Variants in CD33 observed in about 807,000 individuals in gnomAD.
CD33 encodes CD33 molecule.
Under a neutral mutation model 31.4 loss-of-function variants are expected in CD33, and 25 were observed. That is an observed-to-expected ratio of 0.80 (90% confidence interval 0.58 to 1.11). The LOEUF (loss-of-function observed/expected upper bound fraction) is 1.11. CD33 is among the 50% of genes most tolerant of loss of function. The probability of loss-of-function intolerance (pLI) is 0.00; values close to 1 mark genes in which losing one functional copy is unlikely to be tolerated. For synonymous variants in CD33, 176 were observed against 180.6 expected, an observed-to-expected ratio of 0.97 and a Z score of 0.20; for missense variants, 407 against 448.1, an observed-to-expected ratio of 0.91 and a Z score of 0.83.
intron 3 of CD33, 62 bp downstream of exon 3, chr19:51,226,143 G>T: frequency 6.3e-7 from 1 of 1,583,410 alleles, no homozygotes; most frequent in Non-Finnish European, 8.6e-7. Flanking sequence ...ATGGGCTGGT[G>T]CTGGGGACAT....
chr19:51,211,939 C>G, the CD33 span: 1 of 1,379,344 alleles, frequency 7.2e-7, no homozygotes, highest in Non-Finnish European at 1.0e-6. Flanking sequence ...TCCCTGGGCC[C>G]CAGGACCCTC....
At chr19:51,223,913 GGT>G (rs1471946245), upstream of CD33, among the ~76,000 whole-genome samples, 2 of 152,180 alleles carry the variant, frequency 1.3e-5, no homozygotes, top group African/African-American at 2.4e-5. Context: ...GTGTGTGTGT[GGT>G]GAGGACATGA....
chr19:51,228,302 A>G (rs1029163428), intron 4 of CD33, among the ~76,000 whole-genome samples: 1 of 152,218 alleles, frequency 6.6e-6, no homozygotes, highest in Admixed American at 6.5e-5. Flanking sequence ...GTGAAGAATT[A>G]CATTGATATT....
chr19:51,213,221 T>C, the CD33 span, among the ~76,000 whole-genome samples: 1 of 152,186 alleles, frequency 6.6e-6, no homozygotes, highest in Non-Finnish European at 1.5e-5. Context: ...TGACAATTGT[T>C]GTGTCCGTGT....
intron 4 of CD33, among the ~76,000 whole-genome samples, chr19:51,233,488 A>G (rs1489020173): frequency 1.3e-5 from 2 of 152,248 alleles, no homozygotes; most frequent in Non-Finnish European, 2.9e-5. Context: ...AAGATGCACA[A>G]TGATAAAGAG....
upstream of CD33, among the ~76,000 whole-genome samples, chr19:51,223,821 A>G (rs2123161420): frequency 6.6e-6 from 1 of 152,330 alleles, no homozygotes; most frequent in East Asian, 1.9e-4. Flanking sequence ...TTCTATAGTC[A>G]TATTTCTTTT....
the CD33 span, among the ~76,000 whole-genome samples, chr19:51,218,972 T>A: frequency 6.6e-6 from 1 of 152,246 alleles, no homozygotes; most frequent in Non-Finnish European, 1.5e-5. Flanking sequence ...TCTCTAGCTT[T>A]GTTCTTTTTG....
upstream of CD33, among the ~76,000 whole-genome samples, chr19:51,223,332 T>C (rs1980779075): frequency 6.6e-6 from 1 of 152,216 alleles, no homozygotes; most frequent in Admixed American, 6.5e-5. Flanking sequence ...GTATATCAAA[T>C]GAGGATGCAG....
At chr19:51,233,913 CCTTCGACACTCCACTCAAAT>C (rs1981598293) in intron 4 of CD33, among the ~76,000 whole-genome samples, 1 of 152,180 alleles carries the variant, frequency 6.6e-6, no homozygotes, top group Admixed American at 6.5e-5. Flanking sequence ...CACTACTCTC[CCTTCGACACTCCACTCAAAT>C]CTTTGCTGTG....
Position 51,239,495 on chromosome 19 carries a change from C to T in CD33, c.925-23C>T. The T allele has an allele frequency of 1.9e-6, 3 of 1,562,014 alleles. No individual in the cohort carries two copies. In the South Asian group the frequency reaches 3.6e-5, roughly 19 times the overall value. On this transcript the variant is annotated intron_variant, in intron 6 of 6. Transcript: ENST00000262262. Reference sequence around the variant, plus strand: ...CCCCCTCCTCACTGCCCTGCTCTAACCCCCTTCTTTCCTCTCCATAAGAAA... The same window carrying T: ...CCCCCTCCTCACTGCCCTGCTCTAATCCCCTTCTTTCCTCTCCATAAGAAA...
chr19:51,218,147 CTG>C, the CD33 span, among the ~76,000 whole-genome samples: 1 of 152,214 alleles, frequency 6.6e-6, no homozygotes, highest in Non-Finnish European at 1.5e-5. Context: ...CCCATGAACA[CTG>C]TATAAGCATT....
At chr19:51,237,762 G>A (rs1338539437) in intron 6 of CD33, 3 of 152,218 alleles carry the variant, frequency 2.0e-5, no homozygotes, top group East Asian at 1.9e-4. Context: ...GTTTAGAGCA[G>A]AAGAGTGACA....
At chr19:51,226,192 AG>A in intron 3 of CD33, 111 bp downstream of exon 3, 4 of 1,510,290 alleles carry the variant, frequency 2.6e-6, no homozygotes, top group Non-Finnish European at 3.7e-6. Context: ...GGGAGCCAGA[AG>A]GACATGAGCC....
Position 51,225,528 on chromosome 19 carries a change from C to T in CD33, c.348C>T (p.Tyr116=). ...CCAGGAGGAGGGATAATGGTTCATACTTCTTTCGGATGGAGAGAGGAAGTA... is the reference window on the plus strand; with the variant it reads ...CCAGGAGGAGGGATAATGGTTCATATTTCTTTCGGATGGAGAGAGGAAGTA... ...VDARRRDNGS[Y]FFRMERGSTK... Residue 116 remains tyrosine (Y), a synonymous_variant, in exon 2 of 7, where the codon TAC becomes TAT. Coordinates refer to ENST00000262262, the MANE Select transcript of CD33 (RefSeq NM_001772.4). The T allele has an allele frequency of 6.2e-7, 1 of 1,604,090 alleles. No homozygotes were observed. The highest frequency in any genetic ancestry group is 8.5e-7 in the Non-Finnish European group (1 of 1,174,884).
chr19:51,211,667 C>A, the CD33 span: 1 of 1,084,498 alleles, frequency 9.2e-7, no homozygotes, highest in South Asian at 1.5e-5. Context: ...GGACCCATGT[C>A]CTGGAAGGGG....
intron 6 of CD33, chr19:51,238,220 AAGG>A (rs1568437655): frequency 1.3e-5 from 2 of 152,334 alleles, no homozygotes; most frequent in African/African-American, 4.8e-5. Context: ...GCCATCCTTG[AAGG>A]AGAAGTCTAT....
chr19:51,233,166 C>T (rs187048304), intron 4 of CD33, among the ~76,000 whole-genome samples: 216 of 152,254 alleles, frequency 1.4e-3, no homozygotes, highest in Non-Finnish European at 2.1e-3. Context: ...CCACAGAAGG[C>T]GTCTGGGCAC....
intron 4 of CD33, among the ~76,000 whole-genome samples, chr19:51,227,582 T>C (rs1981121403): frequency 6.6e-6 from 1 of 152,206 alleles, no homozygotes; most frequent in South Asian, 2.1e-4. Flanking sequence ...TTCTTTGCCA[T>C]TGAGATGTAT....
chr19:51,239,787 T>C lies in CD33; in HGVS notation c.*99T>C. 5.4e-6 allele frequency: 5 copies of C among 922,340 alleles called. No individual in the cohort carries two copies. The highest frequency in any genetic ancestry group is 8.2e-6 in the Non-Finnish European group (5 of 611,180). 57.1% of individuals were successfully genotyped at this position (922,340 alleles called of 1,614,324 possible). A position where few individuals can be genotyped will look rare whatever the true frequency, so the allele number is the denominator to read the frequency against. On this transcript the variant is annotated 3_prime_UTR_variant, in exon 7 of 7. Coordinates refer to ENST00000262262, the MANE Select transcript of CD33 (RefSeq NM_001772.4). ...TGGAGATTTAACACCCCACAGGCAATGGGTTTATAGACATTATGTGAGTTT... is the reference window on the plus strand; with the variant it reads ...TGGAGATTTAACACCCCACAGGCAACGGGTTTATAGACATTATGTGAGTTT...
Sources: allele counts gnomAD v4.1 joint callset (sites outside exome capture counted in the v4.1 genomes callset), GRCh38; gene constraint gnomAD v4.1.1; transcripts MANE v1.5; gene names NCBI Gene and HGNC (gene_info 2026-07-23, HGNC 2026-07-21).